FBXW11: variants seen among roughly 807,000 people sequenced by gnomAD.
The protein encoded by FBXW11 is F-box and WD repeat domain containing 11, also known as F-box/WD repeat-containing protein 11.
A neutral mutation model predicts 77.6 loss-of-function variants in FBXW11; 19 were observed. The observed-to-expected ratio is 0.24, with a 90% CI of 0.17 to 0.36. The LOEUF (loss-of-function observed/expected upper bound fraction) is 0.36. Ranked by LOEUF, FBXW11 falls within the 10% of genes least tolerant of loss-of-function variation. The probability of loss-of-function intolerance (pLI) is 1.00; values close to 1 mark genes in which losing one functional copy is unlikely to be tolerated. For synonymous variants in FBXW11, 235 were observed against 249.4 expected, an observed-to-expected ratio of 0.94 and a Z score of 0.54; for missense variants, 334 against 704.2, an observed-to-expected ratio of 0.47 and a Z score of 5.95.
At chr5:171,951,861 C>CT (rs1423256614) in intron 2 of FBXW11, among the ~76,000 whole-genome samples, 1 of 152,066 alleles carries the variant, frequency 6.6e-6, no homozygotes, top group Admixed American at 6.5e-5. Context: ...TTTAGGTTTG[C>CT]TTTTAAAATG....
chr5:171,991,117 C>T (rs1424300058), intron 1 of FBXW11, among the ~76,000 whole-genome samples: 1 of 152,118 alleles, frequency 6.6e-6, no homozygotes, highest in African/African-American at 2.4e-5. Flanking sequence ...TGAGCCATGG[C>T]ACCCAGCCCC....
At chr5:171,946,980 A>T (rs1422626592) in intron 2 of FBXW11, among the ~76,000 whole-genome samples, 1 of 151,736 alleles carries the variant, frequency 6.6e-6, no homozygotes, top group Non-Finnish European at 1.5e-5. Flanking sequence ...ACGCCTGGCT[A>T]ATTTTTGTAT....
chr5:171,949,420 A>T (rs1376605709), intron 2 of FBXW11, among the ~76,000 whole-genome samples: 1 of 152,212 alleles, frequency 6.6e-6, no homozygotes, highest in Non-Finnish European at 1.5e-5. Flanking sequence ...TACAGAGAAA[A>T]TGAAAGATTG....
intron 6 of FBXW11, among the ~76,000 whole-genome samples, chr5:171,897,998 T>A (rs1759864027): frequency 1.3e-5 from 2 of 152,212 alleles, no homozygotes; most frequent in African/African-American, 4.8e-5. Context: ...TGAAAGTTTT[T>A]ATTTAACCTC....
At chr5:171,925,310 T>C (rs1207751489) in intron 2 of FBXW11, among the ~76,000 whole-genome samples, 1 of 152,184 alleles carries the variant, frequency 6.6e-6, no homozygotes, top group Non-Finnish European at 1.5e-5. Flanking sequence ...TCAGTTTGCT[T>C]TCAATTCTAA....
chr5:171,889,284 T>G (rs1759138666), intron 7 of FBXW11, among the ~76,000 whole-genome samples: 1 of 152,134 alleles, frequency 6.6e-6, no homozygotes, highest in South Asian at 2.1e-4. Flanking sequence ...TCTCAGCACT[T>G]TGGGAGGCCA....
chr5:171,976,181 A>G (rs555261300), intron 1 of FBXW11, among the ~76,000 whole-genome samples: 1 of 152,190 alleles, frequency 6.6e-6, no homozygotes, highest in Non-Finnish European at 1.5e-5. Flanking sequence ...CTTACAAGTC[A>G]ACGACAGTTT....
intron 2 of FBXW11, among the ~76,000 whole-genome samples, chr5:171,946,805 CTTTTTTTT>C (rs70982356): frequency 2.6e-4 from 15 of 58,620 alleles, no homozygotes; most frequent in East Asian, 1.0e-3. Flanking sequence ...GTGTACTTTA[CTTTTTTTT>C]TTTTTTTTTT....
chr5:171,978,198 T>G (rs1252747584), intron 1 of FBXW11, among the ~76,000 whole-genome samples: 2 of 152,042 alleles, frequency 1.3e-5, no homozygotes, highest in African/African-American at 4.8e-5. Flanking sequence ...GTGACTCAAG[T>G]GCAGAAAGCG....
intron 1 of FBXW11, among the ~76,000 whole-genome samples, chr5:171,963,793 T>C (rs1202346171): frequency 1.3e-5 from 2 of 152,174 alleles, no homozygotes; most frequent in Non-Finnish European, 2.9e-5. Context: ...CCATGTTTTC[T>C]AGAACTCGTG....
intron 1 of FBXW11, among the ~76,000 whole-genome samples, chr5:171,968,580 TC>T (rs1581045912): frequency 2.6e-5 from 4 of 152,128 alleles, no homozygotes; most frequent in African/African-American, 7.2e-5. Context: ...CTCCTAAGTA[TC>T]TTCTAAGTTA....
chr5:171,901,762 G>C (rs1352039012), intron 4 of FBXW11, among the ~76,000 whole-genome samples: 3 of 152,194 alleles, frequency 2.0e-5, no homozygotes, highest in Non-Finnish European at 4.4e-5. Context: ...CAGCTAGTTG[G>C]AAAGGTGGGG....
chr5:171,905,594 C>CT (rs796343062), intron 4 of FBXW11, among the ~76,000 whole-genome samples: 20 of 101,212 alleles, frequency 2.0e-4, no homozygotes, highest in Admixed American at 1.1e-3. Flanking sequence ...AGCTAACCCC[C>CT]CCCCCTTTAT....
intron 7 of FBXW11, among the ~76,000 whole-genome samples, chr5:171,878,517 C>G (rs1379181397): frequency 6.6e-6 from 1 of 150,628 alleles, no homozygotes; most frequent in Non-Finnish European, 1.5e-5. Flanking sequence ...AGTTAAAAGA[C>G]CAGCCTGGGC....
At chr5:171,997,082 C>A (rs1766095906) in intron 1 of FBXW11, 1 of 1,289,016 alleles carries the variant, frequency 7.8e-7, no homozygotes, top group Non-Finnish European at 1.0e-6. Context: ...ATCCATACAC[C>A]CACCATGGCA....
At chr5:171,992,512 AAGAG>A (rs369865219) in intron 1 of FBXW11, among the ~76,000 whole-genome samples, 1 of 151,756 alleles carries the variant, frequency 6.6e-6, no homozygotes, top group Non-Finnish European at 1.5e-5. Flanking sequence ...GAGAGAAAGA[AAGAG>A]AAAGAGAAAA....
chr5:171,878,607 T>A (rs796583351), intron 7 of FBXW11, among the ~76,000 whole-genome samples: 6,890 of 130,678 alleles, frequency 0.053, 499 homozygotes, highest in African/African-American at 0.22. Context: ...AGAGAGAGTG[T>A]GTGTGTGTGT....
intron 4 of FBXW11, among the ~76,000 whole-genome samples, chr5:171,902,898 T>G (rs1228688999): frequency 6.6e-6 from 1 of 152,150 alleles, no homozygotes; most frequent in East Asian, 1.9e-4. Context: ...TATTCTTGGG[T>G]TGGGGGGATG....
intron 8 of FBXW11, 71 bp downstream of exon 8, chr5:171,877,940 A>G: frequency 9.2e-7 from 1 of 1,086,426 alleles, no homozygotes; most frequent in South Asian, 1.3e-5. Context: ...CCTCTCCCAG[A>G]GGAGGATGTC....
Sources: gnomAD v4.1 joint callset for allele counts (sites outside exome capture counted in the v4.1 genomes callset) on GRCh38, gnomAD v4.1.1 for gene constraint, MANE v1.5 for transcripts, NCBI Gene and HGNC (gene_info 2026-07-23, HGNC 2026-07-21) for gene names.